The following SYNE1 variants were observed in gnomAD, a reference collection of about 807,000 sequenced individuals.
SYNE1 encodes nesprin-1.
SYNE1 carries 616 observed loss-of-function variants against 1,111.0 expected under a neutral mutation model. That is an observed-to-expected ratio of 0.55 (90% CI 0.52 to 0.59). The LOEUF (loss-of-function observed/expected upper bound fraction) is 0.59. Among genes scored for constraint, SYNE1 ranks in the 20% least tolerant of loss-of-function variants. SYNE1 has a pLI of 0.00. For missense variants in SYNE1, 10,006 were observed against 10,417.0 expected (o/e 0.96, Z 1.72); for synonymous variants, 3,855 against 3,825.8 (o/e 1.01, Z -0.28).
In SYNE1 at chr6:152,350,684, G is replaced by C; in HGVS notation, c.11667C>G (p.Asp3889Glu). 1 of 1,613,976 alleles carries C rather than the reference G, an allele frequency of 6.2e-7. No individual in the cohort carries two copies. Residue 3889 changes from aspartate (D) to glutamate (E), a missense_variant, in exon 71 of 146, where the codon GAC becomes GAG. Asp to Glu is a conservative substitution (Grantham distance 45). Transcript: ENST00000367255. ...GATCTATTTTGTCCTTTAAAGTGAC[G>C]TCCTGCACCAGTTCCAAAAGAGCTT... ...KGEALLELVQ[D>E]VTLKDKIDQL...
intron 137 of SYNE1, chr6:152,145,568 C>T (rs1338002202): frequency 1.2e-6 from 2 of 1,612,766 alleles, no homozygotes; most frequent in African/African-American, 1.3e-5. Flanking sequence ...GCAAAAAAAG[C>T]ACAGTCTAAG....
At chr6:152,569,942 G>T (rs2623959) in intron 3 of SYNE1, among the ~76,000 whole-genome samples, 2 of 152,072 alleles carry the variant, frequency 1.3e-5, no homozygotes, top group African/African-American at 2.4e-5. Flanking sequence ...ATCTGAATAC[G>T]ATCTTAGCCT....
At position 152,290,323 on chromosome 6, in the gene SYNE1, G is replaced by A. The variant is rs575390315; in HGVS notation, c.18012+3265C>T. On this transcript the variant is annotated intron_variant, in intron 95 of 145. Coordinates refer to ENST00000367255, the MANE Select transcript of SYNE1 (RefSeq NM_182961.4). Reference sequence around the variant, plus strand: ...TGTAATCCCAGCACTTTGGGAGGCCGAGGTAAGTGGATCACCTGAGGTCAG... The same window carrying A: ...TGTAATCCCAGCACTTTGGGAGGCCAAGGTAAGTGGATCACCTGAGGTCAG... Among the ~76,000 whole-genome samples, 19 of 152,262 alleles carry A rather than the reference G, an allele frequency of 1.2e-4. No homozygotes were observed. In the South Asian group the frequency reaches 3.7e-3, roughly 30 times the overall value.
chr6:152,298,909 A>G (rs894427596), intron 93 of SYNE1, among the ~76,000 whole-genome samples: 1 of 152,178 alleles, frequency 6.6e-6, no homozygotes, highest in Admixed American at 6.5e-5. Flanking sequence ...AAGTAAAGGC[A>G]TTTTCCCCTA....
intron 98 of SYNE1, among the ~76,000 whole-genome samples, chr6:152,271,652 T>A (rs1323355602): frequency 2.0e-5 from 3 of 152,202 alleles, no homozygotes; most frequent in Admixed American, 6.5e-5. Flanking sequence ...TTCTCTCTCA[T>A]CTAAGACTCC....
chr6:152,611,070 T>C (rs974955496), intron 3 of SYNE1, among the ~76,000 whole-genome samples: 6 of 152,174 alleles, frequency 3.9e-5, no homozygotes, highest in Non-Finnish European at 5.9e-5. Flanking sequence ...ATTGATGCTA[T>C]GAAGAAACTG....
chr6:152,236,312 T>C lies in SYNE1; in HGVS notation c.20200-9A>G, dbSNP rs776287712. 1 of 1,598,760 alleles carries C rather than the reference T, an allele frequency of 6.3e-7. No individual in the cohort carries two copies. Among genetic ancestry groups the C allele is most frequent in the Non-Finnish European group, 8.6e-7 (1 of 1,166,996 alleles). ...AGGCTAGATTTTAAATGCTAAAATA[T>C]TGAAATTATTGAGTTAAAAGTTTGG... On this transcript the variant is annotated splice_polypyrimidine_tract_variant and intron_variant, in intron 109 of 145. Transcript: ENST00000367255.
At chr6:152,460,962 G>A (rs549958246) in intron 21 of SYNE1, among the ~76,000 whole-genome samples, 35 of 151,912 alleles carry the variant, frequency 2.3e-4, no homozygotes, top group Admixed American at 2.2e-3. Context: ...ATAGGTGCAC[G>A]ACACCATGCC....
chr6:152,242,164 T>C (rs1436896475), intron 107 of SYNE1, 76 bp downstream of exon 107: 17 of 1,364,568 alleles, frequency 1.2e-5, no homozygotes, highest in Non-Finnish European at 1.6e-5. Flanking sequence ...TATTAGGTTT[T>C]ACTAAATATA....
rs755560676 is a variant in SYNE1 at position 152,347,202 on chromosome 6, G to A, written c.11935C>T (p.Arg3979Cys). 4.3e-6 allele frequency: 7 copies of A among 1,614,106 alleles called. No homozygotes were observed. The highest frequency in any genetic ancestry group is 3.3e-5 in the South Asian group (3 of 91,088). ...MMEEIAGFEDRLNNLQMKGDT... is the reference protein window; with the variant it reads ...MMEEIAGFEDCLNNLQMKGDT... ...CCTTTCATTTGAAGATTGTTCAAAC[G>A]GTCTTCAAAACCAGCAATTTCTTCC... Residue 3979 changes from arginine to cysteine, a missense_variant, in exon 73 of 146, where the codon CGT (arginine) becomes TGT (cysteine). Arg to Cys is a radical substitution (Grantham distance 180). Around this residue, in one of 7 missense-constraint regions of SYNE1, gnomAD observed 4,955 missense variants for 5,017.2 expected, o/e 0.99. Coordinates refer to ENST00000367255, the MANE Select transcript of SYNE1 (RefSeq NM_182961.4).
chr6:152,189,138 G>T, intron 128 of SYNE1, 114 bp downstream of exon 128: 2 of 1,076,518 alleles, frequency 1.9e-6, no homozygotes, highest in Non-Finnish European at 2.8e-6. Context: ...TTCTTCCTTT[G>T]TCCGTACTAA....
intron 130 of SYNE1, among the ~76,000 whole-genome samples, chr6:152,175,585 G>A (rs541212168): frequency 1.1e-4 from 17 of 152,242 alleles, no homozygotes; most frequent in African/African-American, 2.6e-4. Flanking sequence ...CATTGAGTCC[G>A]TATTTAGGCA....
chr6:152,577,034 G>A (rs2128371957), intron 3 of SYNE1, among the ~76,000 whole-genome samples: 1 of 152,214 alleles, frequency 6.6e-6, no homozygotes, highest in East Asian at 1.9e-4. Flanking sequence ...ATGTTAAGAA[G>A]GCATTTTTTT....
At chr6:152,184,797 C>G (rs1046088824) in intron 128 of SYNE1, among the ~76,000 whole-genome samples, 1 of 152,028 alleles carries the variant, frequency 6.6e-6, no homozygotes, top group African/African-American at 2.4e-5. Context: ...GGGTGCAAAC[C>G]CAGGCCAAAC....
chr6:152,179,526 T>C (rs890173012), intron 129 of SYNE1: 15 of 150,064 alleles, frequency 1.0e-4, no homozygotes, highest in African/African-American at 2.2e-4. Context: ...ATAATACATA[T>C]AAAGGGTTCC....
intron 8 of SYNE1, among the ~76,000 whole-genome samples, chr6:152,508,314 G>A (rs2099068739): frequency 6.6e-6 from 1 of 152,144 alleles, no homozygotes; most frequent in Admixed American, 6.5e-5. Flanking sequence ...CTCACGGGTG[G>A]AGAACCCTCA....
intron 128 of SYNE1, among the ~76,000 whole-genome samples, chr6:152,181,428 C>T (rs1216256154): frequency 6.6e-6 from 1 of 151,996 alleles, no homozygotes; most frequent in Non-Finnish European, 1.5e-5. Context: ...CAATGACCAC[C>T]ACCACAACAA....
intron 63 of SYNE1, among the ~76,000 whole-genome samples, chr6:152,363,252 T>G (rs2096968623): frequency 6.9e-6 from 1 of 144,168 alleles, no homozygotes; most frequent in Non-Finnish European, 1.5e-5. Context: ...CCCAGCACTT[T>G]GGGAGGCCAA....
chr6:152,322,508 A>G (rs561946063), intron 82 of SYNE1, among the ~76,000 whole-genome samples: 16 of 152,330 alleles, frequency 1.1e-4, no homozygotes, highest in African/African-American at 3.4e-4. Context: ...CTGGTTATAC[A>G]TCAGGATTAA....
Sources: gnomAD v4.1 joint callset for allele counts (sites outside exome capture counted in the v4.1 genomes callset) on GRCh38, gnomAD v4.1.1 for gene constraint, gnomAD v4.1.1 regional missense constraint, MANE v1.5 for transcripts, NCBI Gene and HGNC (gene_info 2026-07-23, HGNC 2026-07-21) for gene names.